IHO1: variants seen among roughly 807,000 people sequenced by gnomAD.
The protein encoded by IHO1 is interactor of HORMAD1 1, also known as interactor of HORMAD1 protein 1.
IHO1 carries 13 observed loss-of-function variants against 31.0 expected under a neutral mutation model. That is an observed-to-expected ratio of 0.42 (90% CI 0.27 to 0.67). IHO1 has a LOEUF of 0.67. Among genes scored for constraint, IHO1 ranks in the 30% least tolerant of loss-of-function variants. The pLI is 0.24. For missense variants in IHO1, 599 were observed against 687.5 expected (o/e 0.87, Z 1.44); for synonymous variants, 221 against 248.4 (o/e 0.89, Z 1.04).
At position 49,228,227 on chromosome 3, in the gene IHO1, G is replaced by A. The variant is rs145361246; in HGVS notation, c.57-8321G>A. The stretch of plus-strand genomic sequence containing the variant: ...CCGCAGGGTCAACCAACTTGTTGTC[G>A]GGACCCCAGAACTGAATGGCTTTCC... On this transcript the variant is annotated intron_variant, in intron 2 of 7. Coordinates refer to ENST00000452691, the MANE Select transcript of IHO1 (RefSeq NM_001135197.2). 1.2e-3 allele frequency: 453 copies of A among 377,616 alleles called. 4 individuals are homozygous for A. The East Asian group carries it at 0.021, about 17-fold the overall frequency. The allele number at this position is 377,616 out of a possible 1,614,324, so 23.4% of individuals were successfully genotyped here.
chr3:49,215,160 C>T (rs1358507813), intron 2 of IHO1, among the ~76,000 whole-genome samples: 3 of 151,982 alleles, frequency 2.0e-5, no homozygotes, highest in Admixed American at 2.0e-4. Context: ...AAGCAATCCT[C>T]CTGCCTTAGC....
In IHO1 at chr3:49,256,308, T is replaced by A; in HGVS notation, c.811T>A (p.Ser271Thr). The A allele has an allele frequency of 6.2e-7, 1 of 1,614,090 alleles. No homozygotes were observed. The highest frequency in any genetic ancestry group is 1.1e-5 in the South Asian group (1 of 91,080). Residue 271 changes from serine to threonine, a missense_variant, in exon 8 of 8, where the codon TCT (serine) becomes ACT (threonine). By Grantham distance (58) the Ser-to-Thr change is moderately conservative (BLOSUM62 1). Coordinates refer to ENST00000452691, the MANE Select transcript of IHO1 (RefSeq NM_001135197.2). The surrounding 1 kb of genome is among the most constrained non-coding windows in gnomAD (Gnocchi z 4.6). ...ISVPPVKDSASQTSPPLAQSL... is the reference protein window; with the variant it reads ...ISVPPVKDSATQTSPPLAQSL... ...AGTGCCTCCAGTGAAAGACAGTGCTTCTCAGACGTCGCCACCTTTGGCCCA... is the reference window on the plus strand; with the variant it reads ...AGTGCCTCCAGTGAAAGACAGTGCTACTCAGACGTCGCCACCTTTGGCCCA...
intron 2 of IHO1, among the ~76,000 whole-genome samples, chr3:49,215,352 A>G (rs1429574489): frequency 2.0e-5 from 3 of 152,142 alleles, no homozygotes; most frequent in African/African-American, 7.2e-5. Context: ...CCTGGCCTTC[A>G]TAGTTTTAAG....
chr3:49,250,254 C>T (rs1310536731), intron 6 of IHO1, among the ~76,000 whole-genome samples: 2 of 152,124 alleles, frequency 1.3e-5, no homozygotes, highest in Non-Finnish European at 2.9e-5. Flanking sequence ...AATCATTTTT[C>T]AATGTATGCC....
chr3:49,226,959 G>A lies in IHO1; in HGVS notation c.57-9589G>A, dbSNP rs537166071. Among the ~76,000 whole-genome samples, 7 of 152,238 alleles carry A rather than the reference G, an allele frequency of 4.6e-5. No individual in the cohort carries two copies. The South Asian group carries it at 1.4e-3, about 32-fold the overall frequency. On this transcript the variant is annotated intron_variant, in intron 2 of 7. Coordinates refer to ENST00000452691, the MANE Select transcript of IHO1 (RefSeq NM_001135197.2). ...ACCTGGGGGTTTTTGTGGTCCTTTGGAGATTTCTTTGCTTGTTTTCTTCTG... is the reference window on the plus strand; with the variant it reads ...ACCTGGGGGTTTTTGTGGTCCTTTGAAGATTTCTTTGCTTGTTTTCTTCTG...
chr3:49,214,838 C>A (rs2046268823), intron 2 of IHO1, among the ~76,000 whole-genome samples: 1 of 150,592 alleles, frequency 6.6e-6, no homozygotes, highest in Admixed American at 6.6e-5. Flanking sequence ...CAGGGTTTCA[C>A]CATGTTGGAA....
chr3:49,202,522 TGTGTGTGTGTG>T (rs1485149998), intron 1 of IHO1, among the ~76,000 whole-genome samples: 7 of 146,304 alleles, frequency 4.8e-5, no homozygotes, highest in African/African-American at 1.8e-4. Context: ...TGTGTGTGTG[TGTGTGTGTGTG>T]TGTGTGTGTG....
intron 2 of IHO1, among the ~76,000 whole-genome samples, chr3:49,212,473 G>T (rs191257785): frequency 6.7e-6 from 1 of 149,538 alleles, no homozygotes; most frequent in Non-Finnish European, 1.5e-5. Context: ...CTGAGATTGC[G>T]CCACTGCACT....
chr3:49,203,839 TGAG>T (rs1470606885), intron 1 of IHO1, among the ~76,000 whole-genome samples: 1 of 152,056 alleles, frequency 6.6e-6, no homozygotes, highest in Non-Finnish European at 1.5e-5. Flanking sequence ...AAAAGGGAAT[TGAG>T]GAGGACTTAG....
chr3:49,211,607 G>A (rs2046216958), intron 1 of IHO1, among the ~76,000 whole-genome samples, 159 bp from the exon 2 acceptor site: 2 of 149,438 alleles, frequency 1.3e-5, no homozygotes, highest in South Asian at 2.1e-4. Flanking sequence ...TGGGTGACAA[G>A]AGCAAAACTC....
At position 49,255,568 on chromosome 3, in the gene IHO1, T is replaced by C; in HGVS notation, c.636+75T>C. ...AGACCCAGAGAGAAACTTTTTTTTT[T>C]TTTTTTTTTTTGAGACAGAGTCTCG... On this transcript the variant is annotated intron_variant, in intron 7 of 7. Transcript: ENST00000452691. 1.0e-5 allele frequency: 10 copies of C among 991,832 alleles called. No homozygotes were observed. The East Asian group carries it at 2.7e-4, about 27-fold the overall frequency. The allele number at this position is 991,832 out of a possible 1,614,324, so 61.4% of individuals were successfully genotyped here. A position where few individuals can be genotyped will look rare whatever the true frequency, so the allele number is the denominator to read the frequency against.
At position 49,211,798 on chromosome 3, in the gene IHO1, G is replaced by A. The variant is rs1477749140; in HGVS notation, c.18G>A (p.Trp6Ter). ...TATAAGAAATGAATTTTAATGTCTG[G>A]AATATCAAAGAGATGCTCAGTATTC... MNFNV[W>*]NIKEMLSIPS... is the part of the protein sequence containing the mutation. Residue 6 changes from tryptophan (W) to a stop codon, truncating the protein, a stop_gained, in exon 2 of 8, where the codon TGG becomes TGA. Coordinates refer to ENST00000452691, the MANE Select transcript of IHO1 (RefSeq NM_001135197.2). LOFTEE classifies it high-confidence loss of function. The A allele has an allele frequency of 1.3e-6, 2 of 1,550,816 alleles. No individual in the cohort carries two copies. The highest frequency in any genetic ancestry group is 8.9e-7 in the Non-Finnish European group (1 of 1,123,202).
chr3:49,193,874 A>G (rs1381213528), upstream of IHO1, among the ~76,000 whole-genome samples: 1 of 151,208 alleles, frequency 6.6e-6, no homozygotes, highest in Non-Finnish European at 1.5e-5. Context: ...AGGCAGAAGA[A>G]TCGCTTGAAC....
chr3:49,236,197 G>A (rs2046557489), intron 2 of IHO1, among the ~76,000 whole-genome samples: 1 of 152,030 alleles, frequency 6.6e-6, no homozygotes, highest in South Asian at 2.1e-4. Flanking sequence ...CGACAGAGTA[G>A]GATCCTGTCT....
chr3:49,234,230 T>G (rs992326923), intron 2 of IHO1, among the ~76,000 whole-genome samples: 25 of 147,688 alleles, frequency 1.7e-4, no homozygotes, highest in Admixed American at 1.4e-4. Flanking sequence ...GAGTGCAGTG[T>G]GGCACAATCT....
At chr3:49,197,463 G>A (rs548812144), upstream of IHO1, among the ~76,000 whole-genome samples, 2 of 152,242 alleles carry the variant, frequency 1.3e-5, no homozygotes, top group South Asian at 4.1e-4. Flanking sequence ...GTCCAGCCAT[G>A]TTTTAATTTT....
At chr3:49,205,987 G>A (rs1186157642) in intron 1 of IHO1, among the ~76,000 whole-genome samples, 2 of 149,776 alleles carry the variant, frequency 1.3e-5, no homozygotes, top group African/African-American at 2.5e-5. Flanking sequence ...TTTTTGAGAC[G>A]GAGTCTCGCT....
chr3:49,236,515 C>T (rs1211039559), intron 2 of IHO1, 33 bp from the exon 3 acceptor site: 1 of 1,479,092 alleles, frequency 6.8e-7, no homozygotes, highest in Non-Finnish European at 9.4e-7. Context: ...GGATATTTGT[C>T]TATTTGATAC....
At position 49,256,134 on chromosome 3, in the gene IHO1, A is replaced by C; in HGVS notation, c.637A>C (p.Arg213=). The C allele has an allele frequency of 6.3e-7, 1 of 1,599,200 alleles. No individual in the cohort carries two copies. The highest frequency in any genetic ancestry group is 1.3e-5 in the African/African-American group (1 of 74,606). Reference sequence around the variant, plus strand: ...TCTTTCTCACTGCCTCTCTCCCCAGAGACAAGGAGAGTTTATAGAAATGAA... The same window carrying C: ...TCTTTCTCACTGCCTCTCTCCCCAGCGACAAGGAGAGTTTATAGAAATGAA... ...ILEMKKRFEA[R]QGEFIEMKSN... The change falls in exon 8 of 8, where the codon AGA becomes CGA. Residue 213 remains arginine (R), a splice_region_variant and synonymous_variant. Coordinates refer to ENST00000452691, the MANE Select transcript of IHO1 (RefSeq NM_001135197.2). The surrounding 1 kb of genome is among the most constrained non-coding windows in gnomAD (Gnocchi z 4.6).
Sources: allele counts gnomAD v4.1 joint callset (sites outside exome capture counted in the v4.1 genomes callset), GRCh38; gene constraint gnomAD v4.1.1; non-coding constraint Gnocchi (gnomAD v3.1); transcripts MANE v1.5; gene names NCBI Gene and HGNC (gene_info 2026-07-23, HGNC 2026-07-21).